Variants in ZNF48 observed in about 807,000 individuals in gnomAD.
ZNF48 encodes zinc finger protein 48.
A neutral mutation model predicts 40.0 loss-of-function variants in ZNF48; 20 were observed. The observed-to-expected ratio is 0.50, with a 90% CI of 0.35 to 0.73. The LOEUF (loss-of-function observed/expected upper bound fraction) is 0.73. ZNF48 is among the 30% of genes least tolerant of loss of function. The probability of loss-of-function intolerance (pLI) is 0.01; values close to 1 mark genes in which losing one functional copy is unlikely to be tolerated. For missense variants in ZNF48, 726 were observed against 851.9 expected (o/e 0.85, Z 1.84); for synonymous variants, 298 against 329.7 (o/e 0.90, Z 1.04).
In ZNF48 at chr16:30,398,952, G is replaced by A. The variant is rs1306110303; in HGVS notation, c.1702G>A (p.Glu568Lys). ...LVKHRRTHTGEKPYKCAECGK... is the reference protein window; with the variant it reads ...LVKHRRTHTGKKPYKCAECGK... ...CAAACACAGGCGTACACACACGGGG[G>A]AGAAGCCATACAAGTGTGCAGAGTG... is the stretch of plus-strand genomic sequence containing the variant. Residue 568 changes from glutamate (E) to lysine (K), a missense_variant, in exon 3 of 3, where the codon GAG (glutamate) becomes AAG (lysine). Physicochemically the swap from Glu to Lys is moderately conservative, Grantham distance 56 (BLOSUM62 1). This residue lies in a region of ZNF48 where 166 missense variants were observed against 163.6 expected (regional missense o/e 1.01). Coordinates refer to ENST00000613509, the MANE Select transcript of ZNF48 (RefSeq NM_001214909.2). This position sits in a 1 kb window ranked among gnomAD's most constrained non-coding sequence, Gnocchi z 6.6. 6.2e-7 allele frequency: 1 copy of A among 1,614,070 alleles called. No individual in the cohort carries two copies. The highest frequency in any genetic ancestry group is 1.3e-5 in the African/African-American group (1 of 75,048).
In ZNF48 at chr16:30,397,311, C is replaced by A; in HGVS notation, c.80-19C>A. 3.8e-6 allele frequency: 6 copies of A among 1,594,224 alleles called. No individual in the cohort carries two copies. Among genetic ancestry groups the A allele is most frequent in the South Asian group, 1.1e-5 (1 of 87,268 alleles). On this transcript the variant is annotated intron_variant, in intron 2 of 2. Coordinates refer to ENST00000613509, the MANE Select transcript of ZNF48 (RefSeq NM_001214909.2). This position sits in a 1 kb window ranked among gnomAD's most constrained non-coding sequence, Gnocchi z 4.1. ...CCGAGCCAAAGGGGAGGGTCTACAACTTCCTTTTCTTTCCTCAGGTCTAGG... is the reference window on the plus strand; with the variant it reads ...CCGAGCCAAAGGGGAGGGTCTACAAATTCCTTTTCTTTCCTCAGGTCTAGG...
rs370464944 is a variant in ZNF48, at chr16:30,382,114, G to A, written c.-16+3704G>A. 1.9e-5 allele frequency: 30 copies of A among 1,583,276 alleles called. No individual in the cohort carries two copies. Among genetic ancestry groups the A allele is most frequent in the East Asian group, 4.6e-5 (2 of 43,060 alleles). ...TTACCACTGGCCTCTGGCACCTGGC[G>A]ATCCTCATAGAGGTTGGTGAGGAAG... On this transcript the variant is annotated intron_variant, in intron 1 of 2. Coordinates refer to the ZNF48 transcript ENST00000528032. The surrounding 1 kb of genome is among the most constrained non-coding windows in gnomAD (Gnocchi z 4.8).
chr16:30,395,581 G>T lies in ZNF48; in HGVS notation c.-16+3G>T. ...CGGAGCCGGAGGCGGCCGGCAAGGT[G>T]AGAGCGGCGGCTGCGCGCTGGGAGG... On this transcript the variant is annotated splice_donor_region_variant and intron_variant, in intron 1 of 2. Transcript: ENST00000613509. This position sits in a 1 kb window ranked among gnomAD's most constrained non-coding sequence, Gnocchi z 5.9. 4.2e-6 allele frequency: 1 copy of T among 239,548 alleles called. No homozygotes were observed. The highest frequency in any genetic ancestry group is 8.8e-5 in the South Asian group (1 of 11,412). The allele number at this position is 239,548 out of a possible 1,614,324, so 14.8% of individuals were successfully genotyped here. A position where few individuals can be genotyped will look rare whatever the true frequency, so the allele number is the denominator to read the frequency against.
In ZNF48 at chr16:30,382,354, G is replaced by A. The variant is rs200653380; in HGVS notation, c.-16+3944G>A. On this transcript the variant is annotated intron_variant, in intron 1 of 2. Coordinates refer to the ZNF48 transcript ENST00000528032. This position sits in a 1 kb window ranked among gnomAD's most constrained non-coding sequence, Gnocchi z 4.8. ...GGTTGGGGAGGGCAGCAAAACCCAC[G>A]TACTCCTTGTCCTATGGATGGGGGT... 2.7e-5 allele frequency: 44 copies of A among 1,612,252 alleles called. 1 individual carries two copies. In the Admixed American group the frequency reaches 3.3e-4, roughly 12 times the overall value.
chr16:30,384,805 G>A (rs1226313078), intron 1 of ZNF48, among the ~76,000 whole-genome samples: 1 of 151,778 alleles, frequency 6.6e-6, no homozygotes, highest in African/African-American at 2.4e-5. Flanking sequence ...TAGAACCTGA[G>A]AGGCGTAGGT....
intron 1 of ZNF48, chr16:30,380,012 C>A: frequency 6.2e-7 from 1 of 1,612,282 alleles, no homozygotes; most frequent in Non-Finnish European, 8.5e-7. Context: ...TGGATCTCCT[C>A]TTCCTTCAAC....
At position 30,382,094 on chromosome 16, in the gene ZNF48, A is replaced by ACAC; in HGVS notation, c.-16+3685_-16+3686insACC. 6.3e-7 allele frequency: 1 copy of ACAC among 1,578,566 alleles called. No homozygotes were observed. The highest frequency in any genetic ancestry group is 1.1e-5 in the South Asian group (1 of 87,682). On this transcript the variant is annotated intron_variant, in intron 1 of 2. Transcript: ENST00000528032. This position sits in a 1 kb window ranked among gnomAD's most constrained non-coding sequence, Gnocchi z 4.8. ...TCAAGAGGGTGGGGAGGGTCTTACC[A>ACAC]CTGGCCTCTGGCACCTGGCGATCCT... is the stretch of plus-strand genomic sequence containing the variant.
chr16:30,385,176 AAATAATAATAAT>A (rs71149012), intron 1 of ZNF48, among the ~76,000 whole-genome samples: 43,449 of 140,710 alleles, frequency 0.31, 8,888 homozygotes, highest in East Asian at 0.83. Flanking sequence ...ACTCTTTCTC[AAATAATAATAAT>A]AATAATAATA....
chr16:30,379,877 G>T, intron 1 of ZNF48: 1 of 961,216 alleles, frequency 1.0e-6, no homozygotes, highest in Non-Finnish European at 1.7e-6. Flanking sequence ...AAAGTGCTGG[G>T]ATTACAGACG....
In ZNF48 at chr16:30,383,605, G is replaced by A. The variant is rs117267704; in HGVS notation, c.-16+5195G>A. Reference sequence around the variant, plus strand: ...CAATGGATTCATAAAAGGACTCCAGGTCTTTGGACACCACTGCCCGAGAGA... The same window carrying A: ...CAATGGATTCATAAAAGGACTCCAGATCTTTGGACACCACTGCCCGAGAGA... On this transcript the variant is annotated intron_variant, in intron 1 of 2. Transcript: ENST00000528032. 7.3e-3 allele frequency among the ~76,000 whole-genome samples: 1,105 copies of A among 152,294 alleles called. 4 individuals carry two copies. Among genetic ancestry groups the A allele is most frequent in the Non-Finnish European group, 0.011 (761 of 68,024 alleles).
At chr16:30,379,393 G>A in intron 1 of ZNF48, 1 of 1,557,964 alleles carries the variant, frequency 6.4e-7, no homozygotes, top group Non-Finnish European at 8.8e-7. Context: ...AGAGGCCCCG[G>A]GCTCCCTGCT....
At chr16:30,386,558 A>G (rs1178115526) in intron 1 of ZNF48, among the ~76,000 whole-genome samples, 2 of 152,152 alleles carry the variant, frequency 1.3e-5, no homozygotes, top group Non-Finnish European at 2.9e-5. Flanking sequence ...CTGTGGTCCC[A>G]GCTACTCAGA....
At position 30,399,728 on chromosome 16, in the gene ZNF48, A is replaced by T. The variant is rs976804422; in HGVS notation, c.*621A>T. ...GTGTGGCATGGTGGTACCCACCCCT[A>T]TGGAGGGGCACTCTTGGACAGAGCC... On this transcript the variant is annotated 3_prime_UTR_variant, in exon 3 of 3. Transcript: ENST00000613509. 1 of 152,604 alleles carries T rather than the reference A, an allele frequency of 6.6e-6. No individual in the cohort carries two copies. Among genetic ancestry groups the T allele is most frequent in the African/African-American group, 2.4e-5 (1 of 41,472 alleles). The allele number at this position is 152,604 out of a possible 1,614,324, so 9.5% of individuals were successfully genotyped here.
chr16:30,391,642 C>T (rs965287486), upstream of ZNF48, among the ~76,000 whole-genome samples: 13 of 150,920 alleles, frequency 8.6e-5, no homozygotes, highest in African/African-American at 2.4e-4. Context: ...ATTACAGGCG[C>T]GTACCACCAC....
intron 1 of ZNF48, chr16:30,378,606 T>C (rs1460646739): frequency 6.2e-7 from 1 of 1,610,520 alleles, no homozygotes; most frequent in Non-Finnish European, 8.5e-7. Context: ...AGGTGCGTGC[T>C]CACCTCTTCG....
At chr16:30,388,819 A>T (rs2049920237) in intron 1 of ZNF48, among the ~76,000 whole-genome samples, 1 of 151,942 alleles carries the variant, frequency 6.6e-6, no homozygotes, top group African/African-American at 2.4e-5. Context: ...GCTTGAACTC[A>T]GGATGCAGAG....
At chr16:30,379,035 G>A in intron 1 of ZNF48, 1 of 1,613,000 alleles carries the variant, frequency 6.2e-7, no homozygotes, top group Non-Finnish European at 8.5e-7. Flanking sequence ...TGGCTCGATC[G>A]CGAGCCCCAG....
rs143975609 is a variant in ZNF48, at chr16:30,398,870, C to T, written c.1620C>T (p.Ser540=). Reference sequence around the variant, plus strand: ...TTCGGGCCCAGCCTTCTGGACCCAGCCAGCCCCACGTGTGTGGCTTCTGTG... The same window carrying T: ...TTCGGGCCCAGCCTTCTGGACCCAGTCAGCCCCACGTGTGTGGCTTCTGTG... ...PRVRAQPSGP[S]QPHVCGFCGK... is the part of the protein sequence containing the mutation. Residue 540 remains serine, a synonymous_variant, in exon 3 of 3, where the codon AGC becomes AGT. Coordinates refer to ENST00000613509, the MANE Select transcript of ZNF48 (RefSeq NM_001214909.2). The surrounding 1 kb of genome is among the most constrained non-coding windows in gnomAD (Gnocchi z 6.6). The T allele has an allele frequency of 1.2e-6, 2 of 1,613,916 alleles. No individual in the cohort carries two copies. The highest frequency in any genetic ancestry group is 2.7e-5 in the African/African-American group (2 of 75,034).
chr16:30,395,659 C>T lies in ZNF48; in HGVS notation c.-16+81C>T, dbSNP rs1368356365. ...CGCGGGCAGGGGGCACCGGGAGCCG[C>T]GCCCGTACCTGGGACCCGACGCCGC... On this transcript the variant is annotated intron_variant, in intron 1 of 2. Coordinates refer to ENST00000613509, the MANE Select transcript of ZNF48 (RefSeq NM_001214909.2). This position sits in a 1 kb window ranked among gnomAD's most constrained non-coding sequence, Gnocchi z 5.9. 41 of 756,504 alleles carry T rather than the reference C, an allele frequency of 5.4e-5. No individual in the cohort carries two copies. The highest frequency in any genetic ancestry group is 6.6e-5 in the Non-Finnish European group (38 of 575,634). 46.9% of individuals were successfully genotyped at this position (756,504 alleles called of 1,614,324 possible). A position where few individuals can be genotyped will look rare whatever the true frequency, so the allele number is the denominator to read the frequency against.
Sources: gnomAD v4.1 joint callset for allele counts (sites outside exome capture counted in the v4.1 genomes callset) on GRCh38, gnomAD v4.1.1 for gene constraint, gnomAD v4.1.1 regional missense constraint, Gnocchi (gnomAD v3.1) non-coding constraint, MANE v1.5 for transcripts, NCBI Gene and HGNC (gene_info 2026-07-23, HGNC 2026-07-21) for gene names.